AGAP1: variants seen among roughly 807,000 people sequenced by gnomAD.
The protein encoded by AGAP1 is arf-GAP with GTPase, ANK repeat and PH domain-containing protein 1.
AGAP1 carries 29 observed loss-of-function variants against 105.3 expected under a neutral mutation model. The observed-to-expected ratio is 0.28, with a 90% confidence interval of 0.21 to 0.38. AGAP1 has a LOEUF of 0.38. AGAP1 is among the 10% of genes least tolerant of loss of function. AGAP1 has a pLI of 1.00. For missense variants in AGAP1, 998 were observed against 1,165.1 expected, an observed-to-expected ratio of 0.86 and a Z score of 2.09; for synonymous variants, 509 against 485.9, an observed-to-expected ratio of 1.05 and a Z score of -0.63.
rs2060080965 is a variant in AGAP1, at chr2:236,131,391, G to A, written c.*7269G>A. The A allele has an allele frequency of 6.6e-6, 1 of 152,282 alleles. No individual in the cohort carries two copies. Among genetic ancestry groups the A allele is most frequent in the Non-Finnish European group, 1.5e-5 (1 of 68,084 alleles). The allele number at this position is 152,282 out of a possible 1,614,324, so 9.4% of individuals were successfully genotyped here. On this transcript the variant is annotated 3_prime_UTR_variant, in exon 18 of 18. Transcript: ENST00000304032. The surrounding 1 kb of genome is among the most constrained non-coding windows in gnomAD (Gnocchi z 5.9). ...AGATGCATTTCTAGGCAGGGGCAGGGAAGGCCAACCCACCTTGCAGCCAGT... is the reference window on the plus strand; with the variant it reads ...AGATGCATTTCTAGGCAGGGGCAGGAAAGGCCAACCCACCTTGCAGCCAGT...
At position 235,724,666 on chromosome 2, in the gene AGAP1, T is replaced by A. The variant is rs1951561526; in HGVS notation, c.310+7022T>A. The stretch of plus-strand genomic sequence containing the variant: ...AAGAAACCTGAACATCCAGTGCTCA[T>A]GAGGAAAAGCTTTAAGAGAAAATAC... On this transcript the variant is annotated intron_variant, in intron 3 of 17. Transcript: ENST00000304032. The surrounding 1 kb of genome is among the most constrained non-coding windows in gnomAD (Gnocchi z 4.9). Among the ~76,000 whole-genome samples the A allele has an allele frequency of 6.6e-6, 1 of 152,058 alleles. No individual in the cohort carries two copies. Among genetic ancestry groups the A allele is most frequent in the Admixed American group, 6.5e-5 (1 of 15,270 alleles).
rs952996253 is a variant in AGAP1, at chr2:235,875,482, C to G, written c.1051-7863C>G. Among the ~76,000 whole-genome samples the G allele has an allele frequency of 6.6e-6, 1 of 152,194 alleles. No individual in the cohort carries two copies. The highest frequency in any genetic ancestry group is 6.5e-5 in the Admixed American group (1 of 15,284). On this transcript the variant is annotated intron_variant, in intron 9 of 17. Transcript: ENST00000304032. This position sits in a 1 kb window ranked among gnomAD's most constrained non-coding sequence, Gnocchi z 4.0. ...GGTCTGTGATGCCCACGAGGCTGTG[C>G]GGCTCAGGGCCAGGTCGGTTTTGAG... is the stretch of plus-strand genomic sequence containing the variant.
At chr2:235,536,627 T>TCACACACACACA in intron 1 of AGAP1, among the ~76,000 whole-genome samples, 1 of 108,242 alleles carries the variant, frequency 9.2e-6, no homozygotes, top group Non-Finnish European at 1.9e-5. Flanking sequence ...GTCGCATCCT[T>TCACACACACACA]CACACACACA....
rs189645158 is a variant in AGAP1 at position 235,642,721 on chromosome 2, G to T, written c.164-66458G>T. Among the ~76,000 whole-genome samples the T allele has an allele frequency of 6.6e-6, 1 of 152,364 alleles. No individual in the cohort carries two copies. The highest frequency in any genetic ancestry group is 1.5e-5 in the Non-Finnish European group (1 of 68,036). On this transcript the variant is annotated intron_variant, in intron 1 of 17. Coordinates refer to ENST00000304032, the MANE Select transcript of AGAP1 (RefSeq NM_001037131.3). The surrounding 1 kb of genome is among the most constrained non-coding windows in gnomAD (Gnocchi z 4.1). ...TCAGGAAGTTACAGCAGCCATAGAG[G>T]ACTCTGCTTATGTGAGATGTGCAGA...
intron 9 of AGAP1, among the ~76,000 whole-genome samples, chr2:235,870,765 T>C (rs2049399026): frequency 6.6e-6 from 1 of 152,196 alleles, no homozygotes; most frequent in Non-Finnish European, 1.5e-5. Flanking sequence ...CCAGGAGGCA[T>C]CCTCCTTGGC....
At chr2:235,948,071 G>T (rs2053575126) in intron 12 of AGAP1, among the ~76,000 whole-genome samples, 2 of 152,318 alleles carry the variant, frequency 1.3e-5, no homozygotes, top group East Asian at 3.9e-4. Context: ...AATGAAGAGG[G>T]CAGGGGACTC....
At chr2:235,707,830 A>G (rs1460649962) in intron 1 of AGAP1, among the ~76,000 whole-genome samples, 3 of 134,032 alleles carry the variant, frequency 2.2e-5, no homozygotes, top group African/African-American at 6.0e-5. Context: ...GTGTGACCTG[A>G]TGGGTTATGC....
rs192262131 is a variant in AGAP1, at chr2:235,715,761, C to G, written c.223-1796C>G. ...GGCCCTAGAGGCTGCTTCCTTGATCCGTGCACACTGGAGAGTCCACACTGA... is the reference window on the plus strand; with the variant it reads ...GGCCCTAGAGGCTGCTTCCTTGATCGGTGCACACTGGAGAGTCCACACTGA... On this transcript the variant is annotated intron_variant, in intron 2 of 17. Coordinates refer to ENST00000304032, the MANE Select transcript of AGAP1 (RefSeq NM_001037131.3). 8.4e-4 allele frequency among the ~76,000 whole-genome samples: 128 copies of G among 152,204 alleles called. 3 individuals are homozygous for G. In the East Asian group the frequency reaches 0.02, roughly 24 times the overall value.
At chr2:235,670,406 C>T (rs1255267732) in intron 1 of AGAP1, 2 of 569,068 alleles carry the variant, frequency 3.5e-6, no homozygotes, top group African/African-American at 2.0e-5. Context: ...CACCGGGCAG[C>T]TGGAACTGGG....
intron 1 of AGAP1, among the ~76,000 whole-genome samples, chr2:235,634,271 T>C (rs1946921133): frequency 6.6e-6 from 1 of 152,276 alleles, no homozygotes; most frequent in African/African-American, 2.4e-5. Flanking sequence ...CCCAGTTCAC[T>C]GTGTATCTCT....
rs73996622 is a variant in AGAP1 at position 235,882,349 on chromosome 2, A to G, written c.1051-996A>G. On this transcript the variant is annotated intron_variant, in intron 9 of 17. Coordinates refer to ENST00000304032, the MANE Select transcript of AGAP1 (RefSeq NM_001037131.3). The surrounding 1 kb of genome is among the most constrained non-coding windows in gnomAD (Gnocchi z 4.6). ...GTCTTAAGGATGACGAGGGCAGGAA[A>G]TCCTCCGGGCTCTTAGGAAATTTCA... is the stretch of plus-strand genomic sequence containing the variant. The G allele has an allele frequency of 1.4e-3, 1,747 of 1,273,494 alleles. 12 individuals carry two copies. The African/African-American group carries it at 0.024, about 18-fold the overall frequency. The allele number at this position is 1,273,494 out of a possible 1,614,324, so 78.9% of individuals were successfully genotyped here.
chr2:235,763,957 G>T (rs1053691096), intron 6 of AGAP1, among the ~76,000 whole-genome samples: 1 of 152,202 alleles, frequency 6.6e-6, no homozygotes, highest in Non-Finnish European at 1.5e-5. Flanking sequence ...CCAGAATGCT[G>T]ACAGCACAGA....
chr2:235,946,215 C>T (rs779572525), intron 12 of AGAP1, among the ~76,000 whole-genome samples: 3 of 151,678 alleles, frequency 2.0e-5, no homozygotes, highest in Admixed American at 6.6e-5. Context: ...GTATACCCTT[C>T]CAGTTTGTGT....
chr2:235,774,877 C>G (rs1460101568), intron 6 of AGAP1, among the ~76,000 whole-genome samples: 2 of 152,086 alleles, frequency 1.3e-5, no homozygotes. Flanking sequence ...CTCGCCCATT[C>G]ATTCACCTCC....
chr2:235,841,605 G>A (rs1206558821), intron 9 of AGAP1, among the ~76,000 whole-genome samples: 2 of 152,206 alleles, frequency 1.3e-5, no homozygotes, highest in African/African-American at 4.8e-5. Context: ...ACTCCAGTGT[G>A]AGCTGTGAGA....
At chr2:235,781,399 A>C (rs1956254245) in intron 6 of AGAP1, among the ~76,000 whole-genome samples, 1 of 152,206 alleles carries the variant, frequency 6.6e-6, no homozygotes, top group Non-Finnish European at 1.5e-5. Context: ...TTTTTAATAC[A>C]ATCTTATTGT....
chr2:235,784,575 ATAAACT>A (rs1040534284), intron 6 of AGAP1, among the ~76,000 whole-genome samples: 1 of 146,458 alleles, frequency 6.8e-6, no homozygotes, highest in African/African-American at 2.5e-5. Flanking sequence ...ATGGCAATTG[ATAAACT>A]TAATTTCTTA....
chr2:235,938,384 C>T (rs945152783), intron 12 of AGAP1, among the ~76,000 whole-genome samples: 7 of 152,332 alleles, frequency 4.6e-5, no homozygotes, highest in African/African-American at 1.7e-4. Context: ...CCTCCAAGAA[C>T]GCTGGGTGCG....
intron 6 of AGAP1, among the ~76,000 whole-genome samples, chr2:235,773,159 A>G (rs559649737): frequency 6.6e-6 from 1 of 152,344 alleles, no homozygotes; most frequent in African/African-American, 2.4e-5. Context: ...ATAGGGGCTC[A>G]AGAACCCAGT....
Sources: gnomAD v4.1 joint callset for allele counts (sites outside exome capture counted in the v4.1 genomes callset) on GRCh38, gnomAD v4.1.1 for gene constraint, Gnocchi (gnomAD v3.1) non-coding constraint, MANE v1.5 for transcripts, NCBI Gene and HGNC (gene_info 2026-07-23, HGNC 2026-07-21) for gene names.